Variants in FRS2 observed in about 807,000 individuals in gnomAD.
FRS2 encodes the protein FGFR signalling adaptor.
A neutral mutation model predicts 43.9 loss-of-function variants in FRS2; 8 were observed. That is an observed-to-expected ratio of 0.18 (90% CI 0.11 to 0.33). The LOEUF is 0.33. FRS2 is among the 10% of genes least tolerant of loss of function. The pLI, the probability that FRS2 is intolerant of heterozygous loss-of-function variation, is 1.00. For synonymous variants in FRS2, 219 were observed against 220.3 expected, an observed-to-expected ratio of 0.99 and a Z score of 0.05; for missense variants, 534 against 627.6, an observed-to-expected ratio of 0.85 and a Z score of 1.59.
intron 1 of FRS2, among the ~76,000 whole-genome samples, chr12:69,479,390 C>CTTT (rs57688271): frequency 2.0e-4 from 24 of 119,702 alleles, no homozygotes; most frequent in Non-Finnish European, 1.9e-4. Context: ...TCTGTTGTTT[C>CTTT]TTTTTTTTTT....
intron 7 of FRS2, among the ~76,000 whole-genome samples, chr12:69,571,793 G>A (rs1319415589): frequency 6.6e-6 from 1 of 152,180 alleles, no homozygotes; most frequent in Admixed American, 6.5e-5. Flanking sequence ...GAACCCGGGA[G>A]GTGGAGCTTG....
intron 3 of FRS2, among the ~76,000 whole-genome samples, chr12:69,556,476 G>A (rs1485943205): frequency 6.6e-6 from 1 of 151,922 alleles, no homozygotes; most frequent in African/African-American, 2.4e-5. Context: ...GGGACTACAG[G>A]CATGTACCAT....
chr12:69,521,763 C>T (rs561851562), intron 1 of FRS2, among the ~76,000 whole-genome samples: 5 of 152,068 alleles, frequency 3.3e-5, no homozygotes, highest in South Asian at 2.1e-4. Flanking sequence ...TACAGGTGCC[C>T]GCCACCGCAC....
intron 1 of FRS2, among the ~76,000 whole-genome samples, chr12:69,473,821 G>A (rs1870523174): frequency 6.6e-6 from 1 of 152,192 alleles, no homozygotes; most frequent in South Asian, 2.1e-4. Context: ...TTTGGAGCAG[G>A]TTTGGAGGAG....
chr12:69,529,469 C>T (rs1876577075), intron 1 of FRS2, among the ~76,000 whole-genome samples: 3 of 151,836 alleles, frequency 2.0e-5, no homozygotes, highest in Non-Finnish European at 4.4e-5. Flanking sequence ...ACTAAAAATA[C>T]AAAAATTAGC....
chr12:69,567,894 G>A (rs968871617), intron 4 of FRS2, among the ~76,000 whole-genome samples: 4 of 152,110 alleles, frequency 2.6e-5, no homozygotes, highest in Admixed American at 6.5e-5. Context: ...GTATCTGATC[G>A]GATCTATCAT....
At position 69,512,239 on chromosome 12, in the gene FRS2, G is replaced by A. The variant is rs183183420; in HGVS notation, c.-260-18626G>A. The stretch of plus-strand genomic sequence containing the variant: ...GTCTGTTAGCTCATCTCTTTTTGGC[G>A]GGGGAGGGGAATATTTTGACTGTTA... On this transcript the variant is annotated intron_variant, in intron 1 of 8. Coordinates refer to ENST00000549921, the MANE Select transcript of FRS2 (RefSeq NM_001278356.2). Among the ~76,000 whole-genome samples the A allele has an allele frequency of 4.6e-5, 7 of 152,178 alleles. No homozygotes were observed. The East Asian group carries it at 7.7e-4, about 17-fold the overall frequency.
rs542010538 is a variant in FRS2, at chr12:69,576,581, T to C, written c.*1626T>C. On this transcript the variant is annotated 3_prime_UTR_variant, in exon 9 of 9. Transcript: ENST00000549921. Reference sequence around the variant, plus strand: ...CTACCAGATATAACTAAGGTTAATTTAGCATGAAAAAGTTTTAGTCATATT... The same window carrying C: ...CTACCAGATATAACTAAGGTTAATTCAGCATGAAAAAGTTTTAGTCATATT... 6.6e-6 allele frequency: 1 copy of C among 152,212 alleles called. No homozygotes were observed. The highest frequency in any genetic ancestry group is 2.4e-5 in the African/African-American group (1 of 41,454). The allele number at this position is 152,212 out of a possible 1,614,324, so 9.4% of individuals were successfully genotyped here.
intron 1 of FRS2, among the ~76,000 whole-genome samples, chr12:69,513,422 C>A (rs1874666460): frequency 6.6e-6 from 1 of 152,074 alleles, no homozygotes; most frequent in South Asian, 2.1e-4. Flanking sequence ...GCTTCAGCCT[C>A]CCCACAAACC....
chr12:69,540,408 CA>C (rs1435720880), intron 3 of FRS2, among the ~76,000 whole-genome samples: 4 of 148,354 alleles, frequency 2.7e-5, no homozygotes, highest in African/African-American at 9.8e-5. Context: ...GCATAGGAGT[CA>C]CCTAAAAGAG....
intron 1 of FRS2, among the ~76,000 whole-genome samples, chr12:69,506,859 ATGAGGGCTCT>A (rs1873984060): frequency 6.6e-6 from 1 of 152,228 alleles, no homozygotes; most frequent in Non-Finnish European, 1.5e-5. Flanking sequence ...TGGTTAGGTC[ATGAGGGCTCT>A]GCCCTCATGA....
At chr12:69,506,021 A>G (rs899070239) in intron 1 of FRS2, among the ~76,000 whole-genome samples, 3 of 152,016 alleles carry the variant, frequency 2.0e-5, no homozygotes, top group Non-Finnish European at 2.9e-5. Context: ...TAATGTTTTT[A>G]TACTAACCTA....
At chr12:69,525,166 A>G (rs1349145574) in intron 1 of FRS2, among the ~76,000 whole-genome samples, 1 of 149,744 alleles carries the variant, frequency 6.7e-6, no homozygotes, top group Non-Finnish European at 1.5e-5. Context: ...GCTCTAAATC[A>G]AATCACAATG....
Position 69,574,627 on chromosome 12 carries a change from T to C in FRS2, c.1199T>C (p.Val400Ala). Reference sequence around the variant, plus strand: ...TATGTAAATACAGAGAATGTAACAGTGCCAGCAAGTGCTCACAAAATAGAA... The same window carrying C: ...TATGTAAATACAGAGAATGTAACAGCGCCAGCAAGTGCTCACAAAATAGAA... Reference protein sequence around the residue: ...HNYVNTENVTVPASAHKIEYS... With the variant: ...HNYVNTENVTAPASAHKIEYS... Residue 400 changes from valine (V) to alanine (A), a missense_variant, in exon 9 of 9, where the codon GTG becomes GCG. Physicochemically the swap from Val to Ala is moderately conservative, Grantham distance 64 (BLOSUM62 0). Around this residue, in one of 3 missense-constraint regions of FRS2, gnomAD observed 446 missense variants for 494.2 expected, o/e 0.90. Coordinates refer to ENST00000549921, the MANE Select transcript of FRS2 (RefSeq NM_001278356.2). 2.5e-6 allele frequency: 4 copies of C among 1,614,122 alleles called. No homozygotes were observed. Among genetic ancestry groups the C allele is most frequent in the Non-Finnish European group, 3.4e-6 (4 of 1,179,996 alleles).
intron 5 of FRS2, among the ~76,000 whole-genome samples, chr12:69,569,789 T>C (rs1880593773): frequency 6.6e-6 from 1 of 152,230 alleles, no homozygotes; most frequent in South Asian, 2.1e-4. Context: ...TCCCTAAATG[T>C]TACCTACTGC....
chr12:69,487,130 C>A (rs1382868030), intron 1 of FRS2, among the ~76,000 whole-genome samples: 1 of 152,220 alleles, frequency 6.6e-6, no homozygotes, highest in Non-Finnish European at 1.5e-5. Flanking sequence ...TGCACCAGAA[C>A]CATAGGCCTG....
intron 3 of FRS2, among the ~76,000 whole-genome samples, chr12:69,549,195 T>G (rs1878664249): frequency 6.6e-6 from 1 of 152,198 alleles, no homozygotes; most frequent in Non-Finnish European, 1.5e-5. Context: ...CGTGAAGTCT[T>G]TAGAGGTTTT....
At chr12:69,550,465 C>G (rs149612250) in intron 3 of FRS2, among the ~76,000 whole-genome samples, 5 of 152,180 alleles carry the variant, frequency 3.3e-5, no homozygotes, top group African/African-American at 9.6e-5. Context: ...AGTAAGAACT[C>G]AGATCTCTCT....
At chr12:69,474,813 A>G (rs1038104594) in intron 1 of FRS2, among the ~76,000 whole-genome samples, 33 of 152,224 alleles carry the variant, frequency 2.2e-4, no homozygotes, top group African/African-American at 6.8e-4. Context: ...TGTGTATGAC[A>G]TCGATTTTGG....
Sources: gnomAD v4.1 joint callset for allele counts (sites outside exome capture counted in the v4.1 genomes callset) on GRCh38, gnomAD v4.1.1 for gene constraint, gnomAD v4.1.1 regional missense constraint, MANE v1.5 for transcripts, NCBI Gene and HGNC (gene_info 2026-07-23, HGNC 2026-07-21) for gene names.